RBMS3: variants seen among roughly 807,000 people sequenced by gnomAD.
RBMS3 encodes the protein RNA-binding motif, single-stranded-interacting protein 3.
RBMS3 carries 27 observed loss-of-function variants against 66.8 expected under a neutral mutation model. The ratio of observed to expected loss-of-function variants is 0.40; its 90% CI spans 0.30 to 0.56. RBMS3 has a LOEUF of 0.56. Ranked by LOEUF, RBMS3 falls within the 20% of genes least tolerant of loss-of-function variation. The pLI is 0.40. For missense variants in RBMS3, 513 were observed against 549.5 expected (o/e 0.93, Z 0.66); for synonymous variants, 188 against 183.0 (o/e 1.03, Z -0.22).
intron 1 of RBMS3, among the ~76,000 whole-genome samples, chr3:29,359,700 A>C (rs188350849): frequency 6.6e-6 from 1 of 152,258 alleles, no homozygotes; most frequent in Admixed American, 6.5e-5. Context: ...TTGGTAAGCT[A>C]CTAATTATTG....
chr3:29,397,088 A>G (rs982569230), intron 1 of RBMS3, among the ~76,000 whole-genome samples: 5 of 152,186 alleles, frequency 3.3e-5, no homozygotes, highest in Admixed American at 2.0e-4. Context: ...ATGTGTTAGG[A>G]ACATGAATTC....
chr3:29,416,984 A>AACATTT (rs2040502711), intron 1 of RBMS3, among the ~76,000 whole-genome samples: 1 of 152,158 alleles, frequency 6.6e-6, no homozygotes, highest in African/African-American at 2.4e-5. Context: ...TAGAAAAAAA[A>AACATTT]GTGCCTATCA....
At chr3:29,995,444 C>T (rs949550170) in intron 14 of RBMS3, among the ~76,000 whole-genome samples, 1 of 151,938 alleles carries the variant, frequency 6.6e-6, no homozygotes, top group Non-Finnish European at 1.5e-5. Context: ...AGAAGAGCAA[C>T]TCCAAGACAC....
chr3:29,816,506 A>C (rs2149467405), intron 6 of RBMS3, among the ~76,000 whole-genome samples: 1 of 152,250 alleles, frequency 6.6e-6, no homozygotes, highest in South Asian at 2.1e-4. Context: ...TATAAAACCA[A>C]CTTTTTTTTT....
chr3:29,955,241 G>C (rs949029567), intron 12 of RBMS3, among the ~76,000 whole-genome samples: 1 of 151,926 alleles, frequency 6.6e-6, no homozygotes, highest in African/African-American at 2.4e-5. Context: ...GAAGGGGTAT[G>C]TGTCTTGAAA....
intron 1 of RBMS3, among the ~76,000 whole-genome samples, chr3:29,329,923 TAATA>T (rs1242324220): frequency 2.0e-5 from 3 of 148,212 alleles, no homozygotes; most frequent in African/African-American, 4.9e-5. Flanking sequence ...ACTATAGAAT[TAATA>T]TATATATTAA....
In RBMS3 at chr3:29,739,746, A is replaced by G. The variant is rs374329177; in HGVS notation, c.426A>G (p.Leu142=). The part of the protein sequence containing the change: ...AKQQEQDPTN[L]YISNLPISMD... ...AACAAGAGCAAGACCCAACAAACCT[A>G]TACATCTCAAATCTCCCCATTTCTA... Residue 142 remains leucine, a synonymous_variant, in exon 5 of 15, where the codon CTA becomes CTG. Transcript: ENST00000383767. The G allele has an allele frequency of 2.7e-5, 44 of 1,611,344 alleles. No individual in the cohort carries two copies. The highest frequency in any genetic ancestry group is 3.1e-5 in the Non-Finnish European group (37 of 1,178,996).
intron 14 of RBMS3, among the ~76,000 whole-genome samples, chr3:30,001,130 A>G (rs1699590192): frequency 6.6e-6 from 1 of 152,104 alleles, no homozygotes; most frequent in South Asian, 2.1e-4. Flanking sequence ...TCTTTCAAGG[A>G]CAATTTTTTT....
intron 14 of RBMS3, among the ~76,000 whole-genome samples, chr3:29,997,535 A>G (rs562838484): frequency 6.7e-6 from 1 of 150,156 alleles, no homozygotes; most frequent in Non-Finnish European, 1.5e-5. Flanking sequence ...TACTGGCAAA[A>G]CGAATCCAGC....
intron 4 of RBMS3, among the ~76,000 whole-genome samples, chr3:29,711,969 G>C (rs1432414137): frequency 6.6e-6 from 1 of 152,172 alleles, no homozygotes; most frequent in Non-Finnish European, 1.5e-5. Context: ...AAATAACAGA[G>C]ACACTGTGCT....
chr3:29,345,492 A>G (rs2036522253), intron 1 of RBMS3, among the ~76,000 whole-genome samples: 1 of 152,060 alleles, frequency 6.6e-6, no homozygotes, highest in Non-Finnish European at 1.5e-5. Context: ...CTTTACCTAA[A>G]ACCTTAATTT....
At chr3:29,671,340 A>T (rs1027734066) in intron 4 of RBMS3, among the ~76,000 whole-genome samples, 115 of 152,338 alleles carry the variant, frequency 7.5e-4, no homozygotes, top group African/African-American at 2.5e-3. Flanking sequence ...AGAGCAGAAA[A>T]TCTGAAAATT....
chr3:29,442,165 ACTCTTC>A (rs1232313204), intron 2 of RBMS3, among the ~76,000 whole-genome samples: 1 of 151,758 alleles, frequency 6.6e-6, no homozygotes, highest in Non-Finnish European at 1.5e-5. Flanking sequence ...TAAGCAAGAA[ACTCTTC>A]CTATTTTGAC....
intron 1 of RBMS3, among the ~76,000 whole-genome samples, chr3:29,382,455 G>A (rs553352823): frequency 6.6e-6 from 1 of 152,300 alleles, no homozygotes; most frequent in Admixed American, 6.5e-5. Flanking sequence ...GGTGTTGCAA[G>A]GTTTTGTCTG....
At chr3:29,817,085 C>T (rs988450633) in intron 6 of RBMS3, among the ~76,000 whole-genome samples, 7 of 151,812 alleles carry the variant, frequency 4.6e-5, no homozygotes, top group South Asian at 2.1e-4. Context: ...AAGGAGACTC[C>T]GTCTCAAAAA....
chr3:29,721,983 G>A (rs2053661710), intron 4 of RBMS3, among the ~76,000 whole-genome samples: 1 of 152,138 alleles, frequency 6.6e-6, no homozygotes, highest in Non-Finnish European at 1.5e-5. Flanking sequence ...CCAAGGTACT[G>A]CTGAGTATGT....
intron 5 of RBMS3, among the ~76,000 whole-genome samples, chr3:29,756,835 GCATATGGC>G (rs1323367097): frequency 1.3e-5 from 2 of 152,100 alleles, no homozygotes; most frequent in Non-Finnish European, 2.9e-5. Flanking sequence ...TGAAAGAAAT[GCATATGGC>G]CAAGCATCAG....
chr3:29,797,311 C>T (rs2057234983), intron 6 of RBMS3, among the ~76,000 whole-genome samples: 3 of 152,208 alleles, frequency 2.0e-5, no homozygotes, highest in African/African-American at 7.2e-5. Context: ...ACCTCATGAA[C>T]CAGACTCTGC....
intron 6 of RBMS3, among the ~76,000 whole-genome samples, chr3:29,863,343 A>T (rs1190934668): frequency 6.6e-6 from 1 of 152,174 alleles, no homozygotes; most frequent in South Asian, 2.1e-4. Flanking sequence ...AAACCTGCAC[A>T]TTGTGCACAT....
Sources: allele counts gnomAD v4.1 joint callset (sites outside exome capture counted in the v4.1 genomes callset), GRCh38; gene constraint gnomAD v4.1.1; transcripts MANE v1.5; gene names NCBI Gene and HGNC (gene_info 2026-07-23, HGNC 2026-07-21).